The following SP2 variants were observed in gnomAD, a reference collection of about 807,000 sequenced individuals.
SP2 encodes Sp2 transcription factor.
In SP2, 9 loss-of-function variants were observed where a neutral mutation model predicts 50.1. That is an observed-to-expected ratio of 0.18 (90% confidence interval 0.11 to 0.31). The LOEUF (loss-of-function observed/expected upper bound fraction) is 0.31, where lower values mean the gene tolerates loss of function less well. Ranked by LOEUF, SP2 falls within the 10% of genes least tolerant of loss-of-function variation. The pLI is 1.00. For missense variants in SP2, 581 were observed against 806.5 expected, an observed-to-expected ratio of 0.72 and a Z score of 3.39; for synonymous variants, 313 against 326.6, an observed-to-expected ratio of 0.96 and a Z score of 0.45.
At chr17:47,924,323 A>T (rs1284062583) in intron 4 of SP2, among the ~76,000 whole-genome samples, 1 of 44,800 alleles carries the variant, frequency 2.2e-5, no homozygotes, top group Non-Finnish European at 4.7e-5. Context: ...TTTTGTAGAG[A>T]TGGGGGTCTC....
intron 3 of SP2, among the ~76,000 whole-genome samples, chr17:47,921,975 T>C (rs1490829183): frequency 1.3e-5 from 2 of 152,216 alleles, no homozygotes; most frequent in Non-Finnish European, 2.9e-5. Flanking sequence ...CACATACACA[T>C]ATACACACAT....
chr17:47,917,729 C>A, intron 3 of SP2: 1 of 426,580 alleles, frequency 2.3e-6, no homozygotes, highest in Non-Finnish European at 4.7e-6. Context: ...ATCCTCCCAC[C>A]TCAGCCTGAG....
Position 47,924,966 on chromosome 17 carries a change from A to G in SP2, c.1420A>G (p.Ile474Val), listed in dbSNP as rs746406427. Residue 474 changes from isoleucine (I) to valine (V), a missense_variant, in exon 5 of 7, where the codon ATC becomes GTC. Coordinates refer to ENST00000376741, the MANE Select transcript of SP2 (RefSeq NM_003110.6). ...GAATGTTTCTGGGAACAACCTGACC[A>G]TCAGTGGGCTGAGCCCCACCCAGAT... The part of the protein sequence containing the change: ...VQNVSGNNLT[I>V]SGLSPTQIQL... 1.1e-5 allele frequency: 17 copies of G among 1,613,288 alleles called. No individual in the cohort carries two copies. In the East Asian group the frequency reaches 2.5e-4, roughly 23 times the overall value.
chr17:47,903,831 G>A (rs1209205338), intron 1 of SP2, among the ~76,000 whole-genome samples: 1 of 151,970 alleles, frequency 6.6e-6, no homozygotes, highest in African/African-American at 2.4e-5. Context: ...GGGCGTGGTG[G>A]CACACGCCTG....
chr17:47,917,950 AC>A, intron 3 of SP2: 1 of 243,030 alleles, frequency 4.1e-6, no homozygotes, highest in Non-Finnish European at 8.6e-6. Context: ...CAGATGGATA[AC>A]CCAGAACTCA....
At position 47,915,393 on chromosome 17, in the gene SP2, G is replaced by C; in HGVS notation, c.84+5G>C. 6.2e-7 allele frequency: 1 copy of C among 1,608,338 alleles called. No homozygotes were observed. Among genetic ancestry groups the C allele is most frequent in the Non-Finnish European group, 8.5e-7 (1 of 1,175,904 alleles). ...CCTGCCGCCTCCACCACCCAGGCGAGTAGGCAGTGGGCTCCGAGGGCTTGG... is the reference window on the plus strand; with the variant it reads ...CCTGCCGCCTCCACCACCCAGGCGACTAGGCAGTGGGCTCCGAGGGCTTGG... On this transcript the variant is annotated splice_donor_5th_base_variant and intron_variant, in intron 2 of 6. Coordinates refer to ENST00000376741, the MANE Select transcript of SP2 (RefSeq NM_003110.6).
intron 1 of SP2, among the ~76,000 whole-genome samples, chr17:47,912,858 G>A (rs943581359): frequency 2.0e-4 from 31 of 151,402 alleles, no homozygotes; most frequent in African/African-American, 7.3e-4. Flanking sequence ...CCTTTTGTTT[G>A]TTTGTTTGTT....
chr17:47,912,575 A>T (rs2035035197), intron 1 of SP2, among the ~76,000 whole-genome samples: 1 of 150,540 alleles, frequency 6.6e-6, no homozygotes, highest in Admixed American at 6.6e-5. Context: ...CTTCCAAGTA[A>T]CTGGGACCAT....
In SP2 at chr17:47,903,605, G is replaced by A. The variant is rs188394504; in HGVS notation, c.7+7312G>A. The stretch of plus-strand genomic sequence containing the variant: ...TCACTTGAACCGGGGGGCGGAGGTT[G>A]CAGCGAGCCAAGACCAAAAGGAAGA... On this transcript the variant is annotated intron_variant, in intron 1 of 6. Coordinates refer to ENST00000376741, the MANE Select transcript of SP2 (RefSeq NM_003110.6). 2.0e-3 allele frequency among the ~76,000 whole-genome samples: 299 copies of A among 152,048 alleles called. 1 individual carries two copies. The highest frequency in any genetic ancestry group is 7.1e-3 in the African/African-American group (296 of 41,482).
chr17:47,923,049 A>G lies in SP2; in HGVS notation c.1147A>G (p.Thr383Ala). Residue 383 changes from threonine (T) to alanine (A), a missense_variant, in exon 4 of 7, where the codon ACC (threonine) becomes GCC (alanine). By Grantham distance (58) the Thr-to-Ala change is moderately conservative. Around this residue, in one of 2 missense-constraint regions of SP2, gnomAD observed 397 missense variants for 491.0 expected, o/e 0.81. Coordinates refer to ENST00000376741, the MANE Select transcript of SP2 (RefSeq NM_003110.6). ...PATAAATSNTTCSSPASRAPH... is the reference protein window; with the variant it reads ...PATAAATSNTACSSPASRAPH... ...AACAGCTGCAGCCACCTCTAACACC[A>G]CCTGTAGCAGCCCTGCATCCCGTGC... 1 of 1,614,112 alleles carries G rather than the reference A, an allele frequency of 6.2e-7. No homozygotes were observed. Among genetic ancestry groups the G allele is most frequent in the Non-Finnish European group, 8.5e-7 (1 of 1,180,016 alleles).
At chr17:47,896,956 T>G (rs1352991112) in intron 1 of SP2, among the ~76,000 whole-genome samples, 2 of 152,228 alleles carry the variant, frequency 1.3e-5, no homozygotes, top group African/African-American at 4.8e-5. Flanking sequence ...ATGTTTTTAC[T>G]TGGATCCTTG....
chr17:47,931,217 C>T (rs533579023), downstream of SP2, among the ~76,000 whole-genome samples: 3 of 152,232 alleles, frequency 2.0e-5, no homozygotes, highest in African/African-American at 4.8e-5. Flanking sequence ...GTGGCGCATG[C>T]CTGTAGTCCC....
Position 47,917,047 on chromosome 17 carries a change from G to C in SP2, c.976G>C (p.Ala326Pro). The change falls in exon 3 of 7, where the codon GCG becomes CCG. Residue 326 changes from alanine (A) to proline (P), a missense_variant. Ala to Pro is a conservative substitution (Grantham distance 27). Around this residue, in one of 2 missense-constraint regions of SP2, gnomAD observed 397 missense variants for 491.0 expected, o/e 0.81. Transcript: ENST00000376741. Reference sequence around the variant, plus strand: ...CCAGCAGGCTCTGCGGGTGGTGCAGGCGGCATCTGCCACCCTCCCCACTGT... The same window carrying C: ...CCAGCAGGCTCTGCGGGTGGTGCAGCCGGCATCTGCCACCCTCCCCACTGT... Reference protein sequence around the residue: ...IPQQALRVVQAASATLPTVPQ... With the variant: ...IPQQALRVVQPASATLPTVPQ... 6.2e-7 allele frequency: 1 copy of C among 1,614,026 alleles called. No individual in the cohort carries two copies. The highest frequency in any genetic ancestry group is 8.5e-7 in the Non-Finnish European group (1 of 1,180,026).
At chr17:47,901,725 C>T (rs1215913215) in intron 1 of SP2, among the ~76,000 whole-genome samples, 1 of 152,126 alleles carries the variant, frequency 6.6e-6, no homozygotes, top group African/African-American at 2.4e-5. Context: ...GGGTCTGGGT[C>T]AGCTAAACCC....
At position 47,928,874 on chromosome 17, in the gene SP2, A is replaced by G. The variant is rs1000160162; in HGVS notation, c.*1050A>G. On this transcript the variant is annotated 3_prime_UTR_variant, in exon 7 of 7. Transcript: ENST00000376741. ...TTAAGTGACAGATTTGTTATCCTTT[A>G]TTAACGTACTTTGTTGGTCAGCACT... 1.3e-5 allele frequency: 2 copies of G among 152,650 alleles called. No individual in the cohort carries two copies. The highest frequency in any genetic ancestry group is 2.9e-5 in the Non-Finnish European group (2 of 68,026). 9.5% of individuals were successfully genotyped at this position (152,650 alleles called of 1,614,324 possible).
At chr17:47,925,669 A>G (rs1395856365) in intron 6 of SP2, 128 bp downstream of exon 6, 17 of 700,544 alleles carry the variant, frequency 2.4e-5, no homozygotes, top group Non-Finnish European at 4.1e-5. Context: ...AAAGCTACAG[A>G]CTATCTAGGG....
At chr17:47,923,532 G>A (rs1040712683) in intron 4 of SP2, among the ~76,000 whole-genome samples, 6 of 152,202 alleles carry the variant, frequency 3.9e-5, no homozygotes, top group Admixed American at 2.6e-4. Flanking sequence ...ACATCCAAAC[G>A]CAAAGACGGC....
At chr17:47,912,498 G>T (rs186810151) in intron 1 of SP2, among the ~76,000 whole-genome samples, 1 of 150,848 alleles carries the variant, frequency 6.6e-6, no homozygotes, top group Non-Finnish European at 1.5e-5. Flanking sequence ...AGGCTGGAGT[G>T]CAGTGGTGTG....
chr17:47,910,392 T>C (rs759377989), intron 1 of SP2, among the ~76,000 whole-genome samples: 5 of 152,244 alleles, frequency 3.3e-5, no homozygotes, highest in Non-Finnish European at 5.9e-5. Flanking sequence ...ATGGTGGGTC[T>C]TGATGCAAAT....
Sources: gnomAD v4.1 joint callset for allele counts (sites outside exome capture counted in the v4.1 genomes callset) on GRCh38, gnomAD v4.1.1 for gene constraint, gnomAD v4.1.1 regional missense constraint, MANE v1.5 for transcripts, NCBI Gene and HGNC (gene_info 2026-07-23, HGNC 2026-07-21) for gene names.